The following KAZN variants were observed in gnomAD, a reference collection of about 807,000 sequenced individuals.
KAZN encodes kazrin, periplakin interacting protein.
In KAZN, 40 loss-of-function variants were observed where a neutral mutation model predicts 87.4. The ratio of observed to expected loss-of-function variants is 0.46; its 90% CI spans 0.36 to 0.60. The LOEUF (loss-of-function observed/expected upper bound fraction) is 0.60. Among genes scored for constraint, KAZN ranks in the 20% least tolerant of loss-of-function variants. KAZN has a pLI of 0.00. For synonymous variants in KAZN, 466 were observed against 458.3 expected, an observed-to-expected ratio of 1.02 and a Z score of -0.22; for missense variants, 898 against 1,073.9, an observed-to-expected ratio of 0.84 and a Z score of 2.29.
chr1:14,412,309 A>G (rs1403564573), intron 2 of KAZN, among the ~76,000 whole-genome samples: 1 of 152,246 alleles, frequency 6.6e-6, no homozygotes, highest in African/African-American at 2.4e-5. Flanking sequence ...CTTTTATAAG[A>G]ACAACCAAAA....
At chr1:15,011,093 A>G (rs996456093) in intron 2 of KAZN, among the ~76,000 whole-genome samples, 4 of 152,226 alleles carry the variant, frequency 2.6e-5, no homozygotes, top group African/African-American at 9.6e-5. Context: ...AAGAAAATGT[A>G]GATATTAACG....
intron 2 of KAZN, among the ~76,000 whole-genome samples, chr1:14,555,600 T>C (rs1673814749): frequency 6.6e-6 from 1 of 152,168 alleles, no homozygotes. Flanking sequence ...GTTGTGGTTG[T>C]AAATCTTCAC....
intron 1 of KAZN, among the ~76,000 whole-genome samples, chr1:13,914,883 C>A (rs1276021218): frequency 6.6e-6 from 1 of 152,162 alleles, no homozygotes; most frequent in Non-Finnish European, 1.5e-5. Context: ...AGCTTGGAAG[C>A]AAATTCTTTC....
chr1:13,909,640 T>G (rs1458027998), intron 1 of KAZN, among the ~76,000 whole-genome samples: 1 of 152,138 alleles, frequency 6.6e-6, no homozygotes, highest in Non-Finnish European at 1.5e-5. Flanking sequence ...ATAAGCTTGG[T>G]CTTATTTAGG....
At chr1:13,983,937 G>T (rs934347338) in intron 1 of KAZN, among the ~76,000 whole-genome samples, 2 of 152,094 alleles carry the variant, frequency 1.3e-5, no homozygotes, top group African/African-American at 4.8e-5. Flanking sequence ...ACTTAAGCTT[G>T]GTTCAGCTTC....
intron 1 of KAZN, among the ~76,000 whole-genome samples, chr1:14,742,500 C>T (rs528153930): frequency 2.0e-5 from 3 of 151,692 alleles, no homozygotes; most frequent in Non-Finnish European, 4.4e-5. Context: ...AAGGAATGAG[C>T]GAATGAAAAA....
At chr1:14,892,666 C>T (rs1481635269) in intron 1 of KAZN, among the ~76,000 whole-genome samples, 1 of 152,194 alleles carries the variant, frequency 6.6e-6, no homozygotes, top group African/African-American at 2.4e-5. Flanking sequence ...TGCATCACTG[C>T]CCACCACCCC....
intron 2 of KAZN, among the ~76,000 whole-genome samples, chr1:15,020,395 T>G (rs6657768): frequency 6.6e-6 from 1 of 152,034 alleles, no homozygotes; most frequent in Non-Finnish European, 1.5e-5. Context: ...TAGGACCTCA[T>G]TCGCTTCCCA....
intron 1 of KAZN, among the ~76,000 whole-genome samples, chr1:14,037,381 G>A (rs775984928): frequency 6.6e-6 from 1 of 152,178 alleles, no homozygotes; most frequent in Non-Finnish European, 1.5e-5. Flanking sequence ...TCCCCTACCA[G>A]TGTAGAAACA....
At chr1:14,553,291 G>C (rs536665472) in intron 2 of KAZN, among the ~76,000 whole-genome samples, 17 of 152,276 alleles carry the variant, frequency 1.1e-4, no homozygotes, top group African/African-American at 4.1e-4. Flanking sequence ...GAACTGGGAG[G>C]TGGAGGCTGC....
chr1:14,494,242 G>A (rs949415168), intron 2 of KAZN, among the ~76,000 whole-genome samples: 2 of 152,132 alleles, frequency 1.3e-5, no homozygotes, highest in Non-Finnish European at 2.9e-5. Context: ...CAATTATACA[G>A]GTAATTTTAA....
intron 2 of KAZN, among the ~76,000 whole-genome samples, chr1:14,416,025 C>T (rs1664728622): frequency 6.6e-6 from 1 of 152,050 alleles, no homozygotes; most frequent in Admixed American, 6.6e-5. Context: ...AGCTGAGGGG[C>T]GGAGGCAAAA....
At position 14,769,543 on chromosome 1, in the gene KAZN, A is replaced by C. The variant is rs1644969614; in HGVS notation, c.226+170320A>C. 6.6e-6 allele frequency among the ~76,000 whole-genome samples: 1 copy of C among 152,002 alleles called. No individual in the cohort carries two copies. The highest frequency in any genetic ancestry group is 2.4e-5 in the African/African-American group (1 of 41,396). ...CTAATTTTGTATTTTTAGTAGAGAC[A>C]GGGTTTCACCATGTTGGCCAGACTA... On this transcript the variant is annotated intron_variant, in intron 1 of 14. Transcript: ENST00000376030. This position sits in a 1 kb window ranked among gnomAD's most constrained non-coding sequence, Gnocchi z 4.1.
Position 14,598,832 on chromosome 1 carries a change from T to C in KAZN, c.-166T>C. ...CTAGGGCTGGAGGCGCCGCTGTCAT[T>C]CCTGTGCCGGAGGAACCGGCGCTGC... On this transcript the variant is annotated 5_prime_UTR_variant, in exon 1 of 15. Coordinates refer to ENST00000376030, the MANE Select transcript of KAZN (RefSeq NM_201628.3). This position sits in a 1 kb window ranked among gnomAD's most constrained non-coding sequence, Gnocchi z 4.2. 1 of 1,393,200 alleles carries C rather than the reference T, an allele frequency of 7.2e-7. No individual in the cohort carries two copies. The highest frequency in any genetic ancestry group is 9.3e-7 in the Non-Finnish European group (1 of 1,080,086). 86.3% of individuals were successfully genotyped at this position (1,393,200 alleles called of 1,614,324 possible). A position where few individuals can be genotyped will look rare whatever the true frequency, so the allele number is the denominator to read the frequency against.
intron 1 of KAZN, among the ~76,000 whole-genome samples, chr1:14,638,894 C>T (rs751225869): frequency 2.6e-5 from 4 of 152,176 alleles, no homozygotes; most frequent in Admixed American, 1.3e-4. Context: ...AATCCTCAGC[C>T]GGCAGCCCAT....
At chr1:14,392,701 G>A (rs1662557653) in intron 2 of KAZN, among the ~76,000 whole-genome samples, 1 of 152,078 alleles carries the variant, frequency 6.6e-6, no homozygotes, top group Non-Finnish European at 1.5e-5. Flanking sequence ...CATGACAATA[G>A]AGAAAAAGTC....
At chr1:14,792,156 T>C (rs2744867) in intron 1 of KAZN, among the ~76,000 whole-genome samples, 74,956 of 152,106 alleles carry the variant, frequency 0.49, 18,934 homozygotes, top group East Asian at 0.72. Flanking sequence ...AAGGTGGCCA[T>C]TTATTCATTC....
At chr1:14,518,774 A>T (rs1240074376) in intron 2 of KAZN, among the ~76,000 whole-genome samples, 1 of 152,244 alleles carries the variant, frequency 6.6e-6, no homozygotes, top group Non-Finnish European at 1.5e-5. Flanking sequence ...ATACAAGGCT[A>T]TTAGGAGAAT....
chr1:14,461,171 A>G (rs902773695), intron 2 of KAZN, among the ~76,000 whole-genome samples: 1 of 152,140 alleles, frequency 6.6e-6, no homozygotes, highest in African/African-American at 2.4e-5. Context: ...TGAGTTCAGC[A>G]TTACCCTTTC....
Sources: gnomAD v4.1 joint callset for allele counts (sites outside exome capture counted in the v4.1 genomes callset) on GRCh38, gnomAD v4.1.1 for gene constraint, Gnocchi (gnomAD v3.1) non-coding constraint, MANE v1.5 for transcripts, NCBI Gene and HGNC (gene_info 2026-07-23, HGNC 2026-07-21) for gene names.